The following TET3 variants were observed in gnomAD, a reference collection of about 807,000 sequenced individuals.
The protein encoded by TET3 is tet methylcytosine dioxygenase 3, also known as methylcytosine dioxygenase TET3.
A neutral mutation model predicts 141.4 loss-of-function variants in TET3; 19 were observed. The observed-to-expected ratio is 0.13, with a 90% CI of 0.09 to 0.20. TET3 has a LOEUF of 0.20. Among genes scored for constraint, TET3 ranks in the 10% least tolerant of loss-of-function variants. TET3 has a pLI of 1.00. For synonymous variants in TET3, 1,043 were observed against 980.9 expected (o/e 1.06, Z -1.18); for missense variants, 1,874 against 2,356.9 (o/e 0.80, Z 4.24).
At chr2:73,992,305 C>CTTTTTTTTTTTTTT (rs567880207) in intron 2 of TET3, among the ~76,000 whole-genome samples, 1 of 144,094 alleles carries the variant, frequency 6.9e-6, no homozygotes, top group Non-Finnish European at 1.5e-5. Context: ...TTTTTCTTTT[C>CTTTTTTTTTTTTTT]TTTTTTTTTT....
chr2:73,998,074 A>C (rs572132555), intron 2 of TET3, among the ~76,000 whole-genome samples: 1 of 152,282 alleles, frequency 6.6e-6, no homozygotes, highest in African/African-American at 2.4e-5. Flanking sequence ...TGCTGGCGGC[A>C]GGGGTGTGGA....
Position 74,093,481 on chromosome 2 carries a change from C to T in TET3, c.3130-48C>T. On this transcript the variant is annotated intron_variant, in intron 9 of 11. Coordinates refer to ENST00000409262, the MANE Select transcript of TET3 (RefSeq NM_001287491.2). The surrounding 1 kb of genome is among the most constrained non-coding windows in gnomAD (Gnocchi z 4.2). ...GGCCTCCCCAGGTGCAGAATCGGGG[C>T]CACTCACCTCAGGTCATGTGAGCAC... 6.6e-7 allele frequency: 1 copy of T among 1,517,472 alleles called. No homozygotes were observed. The highest frequency in any genetic ancestry group is 1.3e-5 in the South Asian group (1 of 77,082). 94.0% of individuals were successfully genotyped at this position (1,517,472 alleles called of 1,614,324 possible).
the TET3 span, chr2:74,122,511 A>ATATTTTTT: frequency 3.8e-4 from 18 of 47,556 alleles, no homozygotes; most frequent in East Asian, 9.1e-4. Flanking sequence ...ATATATATAT[A>ATATTTTTT]TTTTTTTTTT....
At chr2:74,026,115 T>A (rs1024108493) in intron 3 of TET3, among the ~76,000 whole-genome samples, 1 of 152,012 alleles carries the variant, frequency 6.6e-6, no homozygotes, top group Admixed American at 6.6e-5. Flanking sequence ...CCTTTGCCCC[T>A]CTGTAATACC....
At chr2:73,990,533 A>G (rs1397625766) in intron 2 of TET3, among the ~76,000 whole-genome samples, 7 of 152,194 alleles carry the variant, frequency 4.6e-5, no homozygotes, top group Admixed American at 4.6e-4. Context: ...AAAGTTGACC[A>G]TGGATGAGGG....
At chr2:74,021,774 T>G (rs1173491166) in intron 3 of TET3, among the ~76,000 whole-genome samples, 4 of 152,204 alleles carry the variant, frequency 2.6e-5, no homozygotes, top group Admixed American at 2.6e-4. Flanking sequence ...GCCTGTGAAC[T>G]AATGTTAACA....
At position 74,048,166 on chromosome 2, in the gene TET3, C is replaced by CT. The variant is rs762250386; in HGVS notation, c.2250dup (p.Thr751TyrfsTer10). Reference sequence around the variant, plus strand: ...CTCCCAGCCCCTGAGAGCCCCTTTGCTACCCGTTCCCCCAAGCAAATCAAG... The same window carrying CT: ...CTCCCAGCCCCTGAGAGCCCCTTTGCTTACCCGTTCCCCCAAGCAAATCAAG... On this transcript the variant is annotated frameshift_variant, in exon 4 of 12. Coordinates refer to ENST00000409262, the MANE Select transcript of TET3 (RefSeq NM_001287491.2). LOFTEE classifies it high-confidence loss of function. 6.2e-7 allele frequency: 1 copy of CT among 1,612,402 alleles called. No individual in the cohort carries two copies. The highest frequency in any genetic ancestry group is 8.5e-7 in the Non-Finnish European group (1 of 1,179,072).
At chr2:74,065,746 CCTCTT>C (rs1172834021) in intron 4 of TET3, among the ~76,000 whole-genome samples, 56 of 138,486 alleles carry the variant, frequency 4.0e-4, no homozygotes, top group East Asian at 1.0e-3. Context: ...TCTTTCCTTT[CCTCTT>C]CTCTTCTCTT....
chr2:74,019,606 C>A (rs1214516341), intron 3 of TET3, among the ~76,000 whole-genome samples: 1 of 152,210 alleles, frequency 6.6e-6, no homozygotes, highest in African/African-American at 2.4e-5. Context: ...TGCGGTAAAT[C>A]CTTTTAATAA....
the TET3 span, chr2:74,134,901 C>T: frequency 2.6e-6 from 1 of 388,100 alleles, no homozygotes; most frequent in Admixed American, 2.8e-5. Context: ...ACTGTCCCTG[C>T]TCCTCGGTGT....
intron 4 of TET3, among the ~76,000 whole-genome samples, chr2:74,056,904 A>G (rs1405220226): frequency 6.6e-6 from 1 of 152,214 alleles, no homozygotes; most frequent in Non-Finnish European, 1.5e-5. Context: ...GTGTTGGGAA[A>G]AGTAACAGAG....
the TET3 span, chr2:74,135,407 T>C: frequency 9.9e-7 from 1 of 1,013,276 alleles, no homozygotes; most frequent in Non-Finnish European, 1.5e-6. Flanking sequence ...TAATGACCCT[T>C]CAAAAGCTTC....
chr2:74,061,250 C>T (rs1688525137), intron 4 of TET3, among the ~76,000 whole-genome samples: 1 of 143,684 alleles, frequency 7.0e-6, no homozygotes, highest in Non-Finnish European at 1.5e-5. Context: ...GGGCTGACCC[C>T]CCCACTTCCC....
rs1333867338 is a variant in TET3 at position 74,046,837 on chromosome 2, C to T, written c.920C>T (p.Pro307Leu). 1.2e-6 allele frequency: 2 copies of T among 1,613,346 alleles called. No homozygotes were observed. Among genetic ancestry groups the T allele is most frequent in the Admixed American group, 1.7e-5 (1 of 60,028 alleles). ...GAGGAGCGGCCCAGGCTCCCAGGGC[C>T]TCTGCCTCCTGGTGAGGCCGGCCTC... The part of the protein sequence containing the change: ...GGEERPRLPG[P>L]LPPGEAGLPA... The change falls in exon 4 of 12, where the codon CCT (proline) becomes CTT (leucine). Residue 307 changes from proline to leucine, a missense_variant. Transcript: ENST00000409262. This position sits in a 1 kb window ranked among gnomAD's most constrained non-coding sequence, Gnocchi z 4.3.
downstream of TET3, among the ~76,000 whole-genome samples, chr2:74,108,876 G>T (rs114607265): frequency 2.5e-3 from 387 of 152,278 alleles, 2 homozygotes; most frequent in African/African-American, 8.9e-3. Context: ...AGTCACTCTA[G>T]GTGGGAAAGT....
At chr2:74,062,877 GA>G (rs1688671438) in intron 4 of TET3, among the ~76,000 whole-genome samples, 1 of 138,594 alleles carries the variant, frequency 7.2e-6, no homozygotes, top group Admixed American at 7.1e-5. Flanking sequence ...AAGTTCAGGT[GA>G]AACTTTTTTT....
chr2:74,089,529 A>G (rs7593287), intron 7 of TET3, among the ~76,000 whole-genome samples: 9,848 of 152,264 alleles, frequency 0.065, 1,091 homozygotes, highest in African/African-American at 0.22. Flanking sequence ...TGGGGCTCAC[A>G]TCATTTCCCT....
chr2:73,998,621 A>G (rs35972889), intron 2 of TET3: 17,572 of 152,348 alleles, frequency 0.12, 1,133 homozygotes, highest in African/African-American at 0.14. Flanking sequence ...TCCGCTGCCA[A>G]AGCTAATTGT....
At chr2:73,985,479 C>T (rs1405142148) in intron 1 of TET3, among the ~76,000 whole-genome samples, 1 of 144,592 alleles carries the variant, frequency 6.9e-6, no homozygotes, top group Non-Finnish European at 1.5e-5. Flanking sequence ...CGGCGCGGGC[C>T]GCCCTCCCCA....
Sources: allele counts gnomAD v4.1 joint callset (sites outside exome capture counted in the v4.1 genomes callset), GRCh38; gene constraint gnomAD v4.1.1; non-coding constraint Gnocchi (gnomAD v3.1); transcripts MANE v1.5; gene names NCBI Gene and HGNC (gene_info 2026-07-23, HGNC 2026-07-21).